Variants in GPM6B observed in about 807,000 individuals in gnomAD.
The protein encoded by GPM6B is glycoprotein M6B.
In GPM6B, 4 loss-of-function variants were observed where a neutral mutation model predicts 27.2. The observed-to-expected ratio is 0.15, with a 90% CI of 0.07 to 0.34. The LOEUF is 0.34. Ranked by LOEUF, GPM6B falls within the 10% of genes least tolerant of loss-of-function variation. GPM6B has a pLI of 1.00. For synonymous variants in GPM6B, 124 were observed against 103.1 expected, an observed-to-expected ratio of 1.20 and a Z score of -1.23; for missense variants, 183 against 261.9, an observed-to-expected ratio of 0.70 and a Z score of 2.08.
chrX:13,866,282 G>C (rs1346004092), intron 1 of GPM6B, among the ~76,000 whole-genome samples: 1 of 112,413 alleles, frequency 8.9e-6, no homozygotes, highest in Non-Finnish European at 1.9e-5. Context: ...AGAATCACTT[G>C]AACCTGGGAG....
At chrX:13,826,215 C>A (rs2049370132) in intron 1 of GPM6B, among the ~76,000 whole-genome samples, 1 of 110,245 alleles carries the variant, frequency 9.1e-6, no homozygotes, top group Non-Finnish European at 1.9e-5. Context: ...GTCTAGACTG[C>A]CCGGGGACCT....
At chrX:13,805,519 G>A (rs184600514) in intron 2 of GPM6B, among the ~76,000 whole-genome samples, 1 of 112,136 alleles carries the variant, frequency 8.9e-6, no homozygotes, top group Admixed American at 9.4e-5. Flanking sequence ...AAATTCTTTG[G>A]AATTCTGAAA....
chrX:13,862,123 G>A (rs16979322), intron 1 of GPM6B, among the ~76,000 whole-genome samples: 37,710 of 110,111 alleles, frequency 0.34, 6,311 homozygotes, highest in African/African-American at 0.65. Context: ...GTCAGTAGAT[G>A]AGGCAAAAAT....
At chrX:13,798,204 G>A (rs1375074915) in intron 2 of GPM6B, among the ~76,000 whole-genome samples, 3 of 110,687 alleles carry the variant, frequency 2.7e-5, no homozygotes, top group Non-Finnish European at 3.8e-5. Flanking sequence ...AAAAGGTTGT[G>A]AACCCCTTTG....
intron 2 of GPM6B, among the ~76,000 whole-genome samples, chrX:13,787,613 T>C (rs1275436747): frequency 1.8e-5 from 2 of 112,281 alleles, no homozygotes; most frequent in Non-Finnish European, 3.8e-5. Flanking sequence ...AGCAAGTCAG[T>C]ATCTTAAAGA....
At chrX:13,780,423 A>G (rs1316279014) in intron 4 of GPM6B, among the ~76,000 whole-genome samples, 1 of 111,946 alleles carries the variant, frequency 8.9e-6, no homozygotes, top group Non-Finnish European at 1.9e-5. Context: ...TTATAACTTC[A>G]TATTAATTTC....
chrX:13,919,974 G>GC (rs2050462128), intron 1 of GPM6B, among the ~76,000 whole-genome samples: 2 of 109,008 alleles, frequency 1.8e-5, no homozygotes, highest in South Asian at 7.8e-4. Context: ...AGTTTCAGAA[G>GC]AAAAAGAGGC....
chrX:13,799,398 TATTA>T (rs1355632641), intron 2 of GPM6B, among the ~76,000 whole-genome samples: 12 of 87,927 alleles, frequency 1.4e-4, no homozygotes, highest in Admixed American at 1.1e-3. Context: ...TTATTATTAT[TATTA>T]TTTTTTTTTT....
rs1166588335 is a variant in GPM6B, at chrX:13,794,421, G to A, written c.182-8613C>T. Among the ~76,000 whole-genome samples the A allele has an allele frequency of 2.6e-4, 29 of 111,540 alleles. 1 individual carries two copies. The Admixed American group carries it at 2.7e-3, about 10-fold the overall frequency. The stretch of plus-strand genomic sequence containing the variant: ...TGGAAAGGACATTGAGCTCCCAAGA[G>A]ATTCTATCCTGCCTGCCCACCAGTC... On this transcript the variant is annotated intron_variant, in intron 2 of 7. Coordinates refer to ENST00000316715, the MANE Select transcript of GPM6B (RefSeq NM_001001995.3).
At chrX:13,820,807 C>A (rs764934863), upstream of GPM6B, among the ~76,000 whole-genome samples, 4 of 111,663 alleles carry the variant, frequency 3.6e-5, no homozygotes, top group Non-Finnish European at 7.5e-5. Flanking sequence ...GCTCTTGGAA[C>A]ACTTCTGGGC....
chrX:13,831,531 C>T (rs1339741289), intron 1 of GPM6B, among the ~76,000 whole-genome samples: 1 of 110,966 alleles, frequency 9.0e-6, no homozygotes, highest in Admixed American at 9.6e-5. Context: ...GGCATGGCCC[C>T]AGCTCCATCA....
intron 1 of GPM6B, among the ~76,000 whole-genome samples, chrX:13,908,822 C>T (rs1451384307): frequency 8.9e-6 from 1 of 112,295 alleles, no homozygotes; most frequent in East Asian, 2.8e-4. Flanking sequence ...ATCTTAGAAA[C>T]GTCTGCCTCA....
At chrX:13,806,523 C>G (rs1055417402) in intron 2 of GPM6B, among the ~76,000 whole-genome samples, 2 of 111,938 alleles carry the variant, frequency 1.8e-5, no homozygotes, top group South Asian at 3.7e-4. Flanking sequence ...CACACAGAAC[C>G]AACACCTGAT....
intron 4 of GPM6B, among the ~76,000 whole-genome samples, 159 bp from the exon 5 acceptor site, chrX:13,780,148 G>GGGA (rs1487558352): frequency 8.9e-6 from 1 of 111,877 alleles, no homozygotes; most frequent in Non-Finnish European, 1.9e-5. Flanking sequence ...AAGCCAGCAC[G>GGGA]GGAGCAGGGG....
At chrX:13,802,204 A>C (rs1230095683) in intron 2 of GPM6B, among the ~76,000 whole-genome samples, 2 of 111,202 alleles carry the variant, frequency 1.8e-5, no homozygotes, top group South Asian at 3.8e-4. Context: ...GGCAGCAAAG[A>C]CCAGATGACA....
chrX:13,881,161 G>A (rs1456650798), intron 1 of GPM6B, among the ~76,000 whole-genome samples: 1 of 111,960 alleles, frequency 8.9e-6, no homozygotes, highest in African/African-American at 3.3e-5. Flanking sequence ...CACCACTATA[G>A]GCCCAGCAAC....
At chrX:13,806,130 T>C (rs1366945813) in intron 2 of GPM6B, among the ~76,000 whole-genome samples, 1 of 111,809 alleles carries the variant, frequency 8.9e-6, no homozygotes, top group Non-Finnish European at 1.9e-5. Flanking sequence ...TTAGAACATT[T>C]TCATCACAGC....
chrX:13,844,207 A>T (rs966748747), intron 1 of GPM6B, among the ~76,000 whole-genome samples: 2 of 112,282 alleles, frequency 1.8e-5, no homozygotes, highest in African/African-American at 3.2e-5. Flanking sequence ...AATTGACTAT[A>T]AACATAAGGG....
At chrX:13,901,433 T>G (rs2050281122) in intron 1 of GPM6B, among the ~76,000 whole-genome samples, 2 of 63,814 alleles carry the variant, frequency 3.1e-5, no homozygotes, top group South Asian at 2.4e-3. Context: ...CTTGTTTTTT[T>G]TTTTAAAAAA....
Sources: allele counts gnomAD v4.1 joint callset (sites outside exome capture counted in the v4.1 genomes callset), GRCh38; gene constraint gnomAD v4.1.1; transcripts MANE v1.5; gene names NCBI Gene and HGNC (gene_info 2026-07-23, HGNC 2026-07-21).